The following POLDIP2 variants were observed in gnomAD, a reference collection of about 807,000 sequenced individuals.
The protein encoded by POLDIP2 is DNA polymerase delta interacting protein 2, also known as polymerase delta-interacting protein 2.
Under a neutral mutation model 52.9 loss-of-function variants are expected in POLDIP2, and 32 were observed. That is an observed-to-expected ratio of 0.61 (90% CI 0.46 to 0.81). POLDIP2 has a LOEUF of 0.81. Among genes scored for constraint, POLDIP2 ranks in the 40% least tolerant of loss-of-function variants. The probability of loss-of-function intolerance (pLI) is 0.00; values close to 1 mark genes in which losing one functional copy is unlikely to be tolerated. For missense variants in POLDIP2, 371 were observed against 477.3 expected (o/e 0.78, Z 2.07); for synonymous variants, 183 against 183.0 (o/e 1.00, Z 0.00).
intron 1 of POLDIP2, among the ~76,000 whole-genome samples, chr17:28,356,156 C>T (rs1555580890): frequency 1.3e-5 from 2 of 151,802 alleles, no homozygotes; most frequent in Non-Finnish European, 2.9e-5. Flanking sequence ...TGTACCCCTG[C>T]CCTTGTTTCT....
chr17:28,351,635 G>C (rs1555579982), intron 7 of POLDIP2, 29 bp downstream of exon 7: 2 of 1,607,068 alleles, frequency 1.2e-6, no homozygotes, highest in East Asian at 4.5e-5. Context: ...GCCTACCCCT[G>C]CTAGAAGGGG....
chr17:28,347,830 A>C lies in POLDIP2; in HGVS notation c.*287T>G. 1 of 366,732 alleles carries C rather than the reference A, an allele frequency of 2.7e-6. No individual in the cohort carries two copies. Among genetic ancestry groups the C allele is most frequent in the South Asian group, 3.9e-5 (1 of 25,568 alleles). The allele number at this position is 366,732 out of a possible 1,614,324, so 22.7% of individuals were successfully genotyped here. On this transcript the variant is annotated 3_prime_UTR_variant, in exon 11 of 11. Transcript: ENST00000540200. The stretch of plus-strand genomic sequence containing the variant: ...GTTTACTGATCAAACCTCACGTGAC[A>C]GGCCAGGAAACTCCTCCAGGCCTGT...
At chr17:28,354,622 C>T (rs1555580608) in intron 2 of POLDIP2, 37 bp from the exon 3 acceptor site, 2 of 1,395,076 alleles carry the variant, frequency 1.4e-6, no homozygotes, top group Non-Finnish European at 2.0e-6. Context: ...GTCTGCAGTC[C>T]AGCAAATCCA....
chr17:28,355,008 T>A (rs930791562), intron 2 of POLDIP2, among the ~76,000 whole-genome samples: 2 of 152,198 alleles, frequency 1.3e-5, no homozygotes, highest in Admixed American at 1.3e-4. Flanking sequence ...CTTCCTTACC[T>A]ACAATATCCT....
chr17:28,348,440 C>T lies in POLDIP2; in HGVS notation c.993-209G>A, dbSNP rs568036029. ...AGAAAAACACAGCTGCAGTGGCTCA[C>T]GCCTGAAATCCCAGCATTTTGGGAG... On this transcript the variant is annotated intron_variant, in intron 10 of 10. Coordinates refer to ENST00000540200, the MANE Select transcript of POLDIP2 (RefSeq NM_015584.5). Among the ~76,000 whole-genome samples, 90 of 152,336 alleles carry T rather than the reference C, an allele frequency of 5.9e-4. 1 individual carries two copies. Among genetic ancestry groups the T allele is most frequent in the Admixed American group, 4.7e-3 (72 of 15,306 alleles).
intron 4 of POLDIP2, 109 bp from the exon 5 acceptor site, chr17:28,353,425 G>A: frequency 1.5e-6 from 1 of 675,570 alleles, no homozygotes; most frequent in Non-Finnish European, 2.7e-6. Flanking sequence ...GGGTGGCTGA[G>A]GCAGGAGAAT....
chr17:28,352,331 G>C (rs1555580154), intron 6 of POLDIP2, among the ~76,000 whole-genome samples: 1 of 134,102 alleles, frequency 7.5e-6, no homozygotes, highest in Non-Finnish European at 1.5e-5. Context: ...TGTGCCTCCC[G>C]GGTTCAAGCA....
chr17:28,349,307 A>G, intron 9 of POLDIP2, 145 bp from the exon 10 acceptor site: 1 of 594,614 alleles, frequency 1.7e-6, no homozygotes, highest in Non-Finnish European at 3.0e-6. Flanking sequence ...ATAGCATGAT[A>G]CACTTCCTGC....
At chr17:28,349,195 A>C in intron 9 of POLDIP2, 33 bp from the exon 10 acceptor site, 1 of 1,523,226 alleles carries the variant, frequency 6.6e-7, no homozygotes, top group African/African-American at 1.4e-5. Flanking sequence ...GGTCAGGCCA[A>C]GCCCCAGGGA....
Position 28,350,754 on chromosome 17 carries a change from A to G in POLDIP2, c.786+12T>C. 1 of 1,597,008 alleles carries G rather than the reference A, an allele frequency of 6.3e-7. No individual in the cohort carries two copies. The highest frequency in any genetic ancestry group is 8.5e-7 in the Non-Finnish European group (1 of 1,171,678). ...CCCACAAGCTCCCCTTCTCCCAGAC[A>G]GTGACACTCACCCAGTACACGTGGG... On this transcript the variant is annotated intron_variant, in intron 8 of 10. Transcript: ENST00000540200.
At position 28,350,475 on chromosome 17, in the gene POLDIP2, G is replaced by A. The variant is rs1555579733; in HGVS notation, c.875C>T (p.Thr292Ile). ...RHWRIFSLSG[T>I]LETVRGRGVV... ...CCCTCGGCCTCGCACTGTCTCCAAG[G>A]TGCCAGAGAGACTGAATATCCTCCA... Residue 292 changes from threonine (T) to isoleucine (I), a missense_variant, in exon 9 of 11, where the codon ACC becomes ATC. Thr to Ile is a moderately conservative substitution (Grantham distance 89). Transcript: ENST00000540200. 1 of 1,612,648 alleles carries A rather than the reference G, an allele frequency of 6.2e-7. No individual in the cohort carries two copies. Among genetic ancestry groups the A allele is most frequent in the Non-Finnish European group, 8.5e-7 (1 of 1,179,340 alleles).
At chr17:28,349,459 CAAAAAAAAAA>C (rs11357551) in intron 9 of POLDIP2, among the ~76,000 whole-genome samples, 1 of 73,374 alleles carries the variant, frequency 1.4e-5, no homozygotes, top group Non-Finnish European at 2.6e-5. Context: ...CCCATCTCCA[CAAAAAAAAAA>C]AAAAAAAAAA....
chr17:28,349,028 T>C, intron 10 of POLDIP2, 55 bp downstream of exon 10: 1 of 1,299,514 alleles, frequency 7.7e-7, no homozygotes, highest in Non-Finnish European at 1.1e-6. Context: ...TTTTCTGACC[T>C]ACAGCTTCTG....
chr17:28,350,091 G>GCA (rs1907739809), intron 9 of POLDIP2, among the ~76,000 whole-genome samples: 1 of 152,154 alleles, frequency 6.6e-6, no homozygotes, highest in Non-Finnish European at 1.5e-5. Context: ...GGGGGTGTGT[G>GCA]CCCCACCTAA....
Position 28,347,798 on chromosome 17 carries a change from T to G in POLDIP2, c.*319A>C, listed in dbSNP as rs1907638305. 4.0e-6 allele frequency: 1 copy of G among 249,402 alleles called. No individual in the cohort carries two copies. The highest frequency in any genetic ancestry group is 7.7e-6 in the Non-Finnish European group (1 of 129,694). The allele number at this position is 249,402 out of a possible 1,614,324, so 15.4% of individuals were successfully genotyped here. A position where few individuals can be genotyped will look rare whatever the true frequency, so the allele number is the denominator to read the frequency against. On this transcript the variant is annotated 3_prime_UTR_variant, in exon 11 of 11. Transcript: ENST00000540200. ...CAGAAATGGCAAGGGTGGCCAAGCG[T>G]GCACTGGTTTACTGATCAAACCTCA...
At chr17:28,353,543 A>T (rs1907902437) in intron 4 of POLDIP2, among the ~76,000 whole-genome samples, 152 bp downstream of exon 4, 1 of 150,222 alleles carries the variant, frequency 6.7e-6, no homozygotes, top group Non-Finnish European at 1.5e-5. Context: ...AAAGACGTGA[A>T]TCAGGGCTTT....
intron 9 of POLDIP2, among the ~76,000 whole-genome samples, chr17:28,350,188 T>C (rs1907742921): frequency 1.3e-5 from 2 of 152,244 alleles, no homozygotes; most frequent in Admixed American, 6.5e-5. Context: ...TGGGTTTAAA[T>C]TGAGGCCCTG....
Position 28,346,738 on chromosome 17 carries a change from C to G in POLDIP2, c.*1379G>C. The G allele has an allele frequency of 6.6e-6, 1 of 152,168 alleles. No individual in the cohort carries two copies. Among genetic ancestry groups the G allele is most frequent in the East Asian group, 1.9e-4 (1 of 5,196 alleles). The allele number at this position is 152,168 out of a possible 1,614,324, so 9.4% of individuals were successfully genotyped here. A position where few individuals can be genotyped will look rare whatever the true frequency, so the allele number is the denominator to read the frequency against. ...GCAACTCTTGGCTGTGTGCATTTTT[C>G]AACTCCAAGCAGCCCAGGGGTAAGT... On this transcript the variant is annotated 3_prime_UTR_variant, in exon 11 of 11. Transcript: ENST00000540200.
Position 28,348,089 on chromosome 17 carries a change from A to C in POLDIP2, c.*28T>G. ...TGAGAGTTGTTCTTCCCGGTGACCA[A>C]GCCTGGGCACTTGGGGCCTCAGCTG... On this transcript the variant is annotated 3_prime_UTR_variant, in exon 11 of 11. Transcript: ENST00000540200. 2.2e-6 allele frequency: 3 copies of C among 1,386,276 alleles called. No individual in the cohort carries two copies. Among genetic ancestry groups the C allele is most frequent in the Non-Finnish European group, 3.1e-6 (3 of 972,274 alleles). 85.9% of individuals were successfully genotyped at this position (1,386,276 alleles called of 1,614,324 possible).
Sources: gnomAD v4.1 joint callset for allele counts (sites outside exome capture counted in the v4.1 genomes callset) on GRCh38, gnomAD v4.1.1 for gene constraint, MANE v1.5 for transcripts, NCBI Gene and HGNC (gene_info 2026-07-23, HGNC 2026-07-21) for gene names.